BTRC: variants seen among roughly 807,000 people sequenced by gnomAD.
The protein encoded by BTRC is beta-transducin repeat containing E3 ubiquitin protein ligase, also known as F-box/WD repeat-containing protein 1A.
A neutral mutation model predicts 85.5 loss-of-function variants in BTRC; 42 were observed. That is an observed-to-expected ratio of 0.49 (90% CI 0.38 to 0.64). The LOEUF (loss-of-function observed/expected upper bound fraction) is 0.64, where lower values mean the gene tolerates loss of function less well. BTRC is among the 30% of genes least tolerant of loss of function. BTRC has a pLI of 0.00. For synonymous variants in BTRC, 255 were observed against 263.3 expected, an observed-to-expected ratio of 0.97 and a Z score of 0.30; for missense variants, 594 against 743.5, an observed-to-expected ratio of 0.80 and a Z score of 2.34.
At chr10:101,388,632 G>T (rs1943147056) in intron 1 of BTRC, among the ~76,000 whole-genome samples, 1 of 152,054 alleles carries the variant, frequency 6.6e-6, no homozygotes, top group Non-Finnish European at 1.5e-5. Context: ...TGGGACTACG[G>T]GTGCCCACCA....
At chr10:101,473,527 G>A (rs1945595494) in intron 3 of BTRC, among the ~76,000 whole-genome samples, 1 of 130,980 alleles carries the variant, frequency 7.6e-6, no homozygotes, top group African/African-American at 3.1e-5. Context: ...CTGGAGAACA[G>A]TGGTGCAATC....
chr10:101,404,002 G>GTGTATA (rs1344147413), intron 1 of BTRC, among the ~76,000 whole-genome samples: 11 of 61,766 alleles, frequency 1.8e-4, no homozygotes, highest in African/African-American at 7.9e-4. Context: ...GTGTGTGTGT[G>GTGTATA]TATATATATA....
chr10:101,538,869 G>A (rs1171097632), intron 13 of BTRC, among the ~76,000 whole-genome samples: 1 of 151,956 alleles, frequency 6.6e-6, no homozygotes, highest in East Asian at 1.9e-4. Flanking sequence ...CCAACACGGT[G>A]AAACCCCATC....
chr10:101,550,438 C>CCAG (rs906101299), intron 13 of BTRC, among the ~76,000 whole-genome samples: 11 of 151,986 alleles, frequency 7.2e-5, no homozygotes, highest in African/African-American at 1.2e-4. Flanking sequence ...GCACATGCCA[C>CCAG]CAGCCCGGCT....
intron 1 of BTRC, among the ~76,000 whole-genome samples, chr10:101,372,984 T>C (rs1942682857): frequency 1.3e-5 from 2 of 152,228 alleles, no homozygotes; most frequent in South Asian, 4.1e-4. Flanking sequence ...TTGAGTTTCA[T>C]AGTCCACAAA....
chr10:101,524,901 C>T (rs2062168011), intron 5 of BTRC, among the ~76,000 whole-genome samples: 1 of 152,116 alleles, frequency 6.6e-6, no homozygotes, highest in Non-Finnish European at 1.5e-5. Flanking sequence ...AAAAGTGTGA[C>T]TGATATCCAT....
chr10:101,450,742 G>A lies in BTRC; in HGVS notation c.157-11239G>A, dbSNP rs533476588. Among the ~76,000 whole-genome samples the A allele has an allele frequency of 2.0e-5, 3 of 152,172 alleles. No individual in the cohort carries two copies. In the South Asian group the frequency reaches 6.2e-4, roughly 32 times the overall value. On this transcript the variant is annotated intron_variant, in intron 2 of 14. Coordinates refer to ENST00000370187, the MANE Select transcript of BTRC (RefSeq NM_033637.4). Reference sequence around the variant, plus strand: ...GTATATTGGCTGCCCCCCAGGACTCGTAAGTAAACAAGGTGATATGTGTGG... The same window carrying A: ...GTATATTGGCTGCCCCCCAGGACTCATAAGTAAACAAGGTGATATGTGTGG...
At chr10:101,490,650 C>T (rs1946106466) in intron 4 of BTRC, among the ~76,000 whole-genome samples, 2 of 152,184 alleles carry the variant, frequency 1.3e-5, no homozygotes, top group Non-Finnish European at 2.9e-5. Flanking sequence ...TTCTATAGCA[C>T]TTTGACATCT....
intron 4 of BTRC, among the ~76,000 whole-genome samples, chr10:101,494,342 A>G (rs1946207514): frequency 6.6e-6 from 1 of 152,214 alleles, no homozygotes; most frequent in African/African-American, 2.4e-5. Flanking sequence ...ACTGATTTAT[A>G]TTAATCTTCA....
At chr10:101,474,282 G>T (rs563424595) in intron 3 of BTRC, among the ~76,000 whole-genome samples, 6 of 152,214 alleles carry the variant, frequency 3.9e-5, no homozygotes, top group Admixed American at 3.9e-4. Context: ...TGGAGGCTTG[G>T]TTTTGTATTT....
chr10:101,356,094 C>T (rs1268333289), intron 1 of BTRC, among the ~76,000 whole-genome samples: 2 of 152,196 alleles, frequency 1.3e-5, no homozygotes, highest in African/African-American at 4.8e-5. Flanking sequence ...CCTCCGCCTC[C>T]TGGGTTCAAG....
chr10:101,366,781 T>TTTTTTTATATTA (rs1942391412), intron 1 of BTRC, among the ~76,000 whole-genome samples: 1 of 104,162 alleles, frequency 9.6e-6, no homozygotes, highest in African/African-American at 3.4e-5. Context: ...TATATATATA[T>TTTTTTTATATTA]ATATATATTT....
intron 4 of BTRC, among the ~76,000 whole-genome samples, chr10:101,490,780 T>C (rs1332214320): frequency 6.6e-6 from 1 of 152,192 alleles, no homozygotes; most frequent in African/African-American, 2.4e-5. Flanking sequence ...TCTTTTCGGC[T>C]GGGTGTGGTG....
At chr10:101,394,951 A>G (rs748908406) in intron 1 of BTRC, among the ~76,000 whole-genome samples, 1 of 152,222 alleles carries the variant, frequency 6.6e-6, no homozygotes, top group East Asian at 1.9e-4. Context: ...TAGGACATGC[A>G]TGCACAGATA....
intron 2 of BTRC, among the ~76,000 whole-genome samples, chr10:101,443,120 G>T (rs1944734255): frequency 6.6e-6 from 1 of 152,050 alleles, no homozygotes; most frequent in Admixed American, 6.6e-5. Context: ...CTGACCTCGT[G>T]ATCCGCCTGC....
At chr10:101,474,721 A>G (rs777547520) in intron 3 of BTRC, among the ~76,000 whole-genome samples, 5 of 152,172 alleles carry the variant, frequency 3.3e-5, no homozygotes, top group Admixed American at 6.5e-5. Flanking sequence ...ATTGAATTCT[A>G]GTCACCCTGC....
chr10:101,359,453 A>C lies in BTRC; in HGVS notation c.48+5225A>C, dbSNP rs531827962. On this transcript the variant is annotated intron_variant, in intron 1 of 14. Coordinates refer to ENST00000370187, the MANE Select transcript of BTRC (RefSeq NM_033637.4). ...CTTTTTTTTTGTCTGAGATACCCTG[A>C]GTCTCGCTCTGTTGCCCAGACTGGA... 4.6e-5 allele frequency among the ~76,000 whole-genome samples: 7 copies of C among 152,068 alleles called. No homozygotes were observed. The East Asian group carries it at 9.6e-4, about 21-fold the overall frequency.
At chr10:101,430,795 A>G (rs1944381398) in intron 2 of BTRC, among the ~76,000 whole-genome samples, 1 of 152,202 alleles carries the variant, frequency 6.6e-6, no homozygotes, top group African/African-American at 2.4e-5. Flanking sequence ...CATAAAGCCA[A>G]TTAGTATAAT....
At chr10:101,388,788 G>A (rs955639911) in intron 1 of BTRC, among the ~76,000 whole-genome samples, 1 of 152,186 alleles carries the variant, frequency 6.6e-6, no homozygotes, top group South Asian at 2.1e-4. Flanking sequence ...ACTGCACCCA[G>A]CCCAGCCTGT....
Sources: allele counts gnomAD v4.1 joint callset (sites outside exome capture counted in the v4.1 genomes callset), GRCh38; gene constraint gnomAD v4.1.1; transcripts MANE v1.5; gene names NCBI Gene and HGNC (gene_info 2026-07-23, HGNC 2026-07-21).